Variants in TMEM214 observed in about 807,000 individuals in gnomAD.
TMEM214 encodes transmembrane protein 214.
A neutral mutation model predicts 89.8 loss-of-function variants in TMEM214; 71 were observed. The observed-to-expected ratio is 0.79, with a 90% CI of 0.65 to 0.96. The LOEUF is 0.96. Ranked by LOEUF, TMEM214 falls within the 40% of genes least tolerant of loss-of-function variation. The pLI is 0.00. For synonymous variants in TMEM214, 332 were observed against 349.5 expected (o/e 0.95, Z 0.56); for missense variants, 754 against 843.4 (o/e 0.89, Z 1.31).
At chr2:27,033,728 C>A (rs2148238238) in intron 1 of TMEM214, among the ~76,000 whole-genome samples, 1 of 152,236 alleles carries the variant, frequency 6.6e-6, no homozygotes, top group East Asian at 1.9e-4. Context: ...TAGGGTAGGA[C>A]CAAGATGGAA....
chr2:27,040,429 C>T lies in TMEM214; in HGVS notation c.1876C>T (p.Leu626=). The change falls in exon 16 of 17, where the codon CTG becomes TTG. Residue 626 remains leucine, a synonymous_variant. Transcript: ENST00000238788. Reference sequence around the variant, plus strand: ...CCTGCTTTTCCACCAGAATGTGCTGCTGCCACTGTGGCACCTCTTGCTTGA... The same window carrying T: ...CCTGCTTTTCCACCAGAATGTGCTGTTGCCACTGTGGCACCTCTTGCTTGA... ...LPLLFHQNVL[L]PLWHLLLEAL... is the part of the protein sequence containing the mutation. 2 of 1,614,238 alleles carry T rather than the reference C, an allele frequency of 1.2e-6. No homozygotes were observed. The highest frequency in any genetic ancestry group is 1.1e-5 in the South Asian group (1 of 91,090).
chr2:27,036,859 A>T, intron 7 of TMEM214, 73 bp downstream of exon 7: 3 of 1,484,474 alleles, frequency 2.0e-6, no homozygotes, highest in Non-Finnish European at 2.8e-6. Context: ...ATGGGAGGCT[A>T]TGATCTTGGT....
rs1667538672 is a variant in TMEM214 at position 27,035,867 on chromosome 2, G to A, written c.638-103G>A. 10 of 1,574,456 alleles carry A rather than the reference G, an allele frequency of 6.4e-6. No homozygotes were observed. The South Asian group carries it at 1.1e-4, about 18-fold the overall frequency. On this transcript the variant is annotated intron_variant, in intron 4 of 16. Coordinates refer to ENST00000238788, the MANE Select transcript of TMEM214 (RefSeq NM_017727.5). Reference sequence around the variant, plus strand: ...TTTTGGAAAGTGTGGAGGAAGTTAGGAGTCAGTGGACCTGGGGCCTGGGCT... The same window carrying A: ...TTTTGGAAAGTGTGGAGGAAGTTAGAAGTCAGTGGACCTGGGGCCTGGGCT...
At chr2:27,033,358 T>G (rs1667413618) in intron 1 of TMEM214, among the ~76,000 whole-genome samples, 192 bp downstream of exon 1, 1 of 152,150 alleles carries the variant, frequency 6.6e-6, no homozygotes, top group Admixed American at 6.5e-5. Context: ...ATGAGTAAAC[T>G]GAGGCCCAGT....
chr2:27,034,134 G>A lies in TMEM214; in HGVS notation c.219G>A (p.Lys73=). Residue 73 remains lysine (K), a synonymous_variant, in exon 2 of 17, where the codon AAG becomes AAA. Coordinates refer to ENST00000238788, the MANE Select transcript of TMEM214 (RefSeq NM_017727.5). ...GFENIMKRQN[K]EQVPPPAVEP... ...AGAATATCATGAAGCGGCAGAATAA[G>A]GAGCAGGTCCCACCCCCTGCTGTGG... is the stretch of plus-strand genomic sequence containing the variant. The A allele has an allele frequency of 1.2e-6, 2 of 1,614,146 alleles. No homozygotes were observed. Among genetic ancestry groups the A allele is most frequent in the Non-Finnish European group, 1.7e-6 (2 of 1,180,028 alleles).
Position 27,037,122 on chromosome 2 carries a change from G to C in TMEM214, c.954G>C (p.Lys318Asn), listed in dbSNP as rs774201621. 1.2e-6 allele frequency: 2 copies of C among 1,614,070 alleles called. No individual in the cohort carries two copies. The highest frequency in any genetic ancestry group is 8.5e-7 in the Non-Finnish European group (1 of 1,180,000). Residue 318 changes from lysine (K) to asparagine (N), a missense_variant, in exon 8 of 17, where the codon AAG (lysine) becomes AAC (asparagine). By Grantham distance (94) the Lys-to-Asn change is moderately conservative (BLOSUM62 0). Coordinates refer to ENST00000238788, the MANE Select transcript of TMEM214 (RefSeq NM_017727.5). ...AGGGCTTCGGCATGATTGGCCCCAA[G>C]GACTTCTTCCCACTTCTGGACTTTG... ...LTKGFGMIGPKDFFPLLDFAY... is the reference protein window; with the variant it reads ...LTKGFGMIGPNDFFPLLDFAY...
chr2:27,037,355 T>C (rs1667611812), intron 8 of TMEM214, among the ~76,000 whole-genome samples, 177 bp downstream of exon 8: 1 of 151,998 alleles, frequency 6.6e-6, no homozygotes, highest in African/African-American at 2.4e-5. Context: ...TTGAGTGTGA[T>C]TGGCATATGG....
chr2:27,041,389 G>A lies in TMEM214; in HGVS notation c.*552G>A, dbSNP rs1436122625. On this transcript the variant is annotated 3_prime_UTR_variant, in exon 17 of 17. Coordinates refer to ENST00000238788, the MANE Select transcript of TMEM214 (RefSeq NM_017727.5). ...TGGGTGTGGCTGTCAGTGGACATGG[G>A]GAGCTGGATGGAAATGCCTCTCACT... The A allele has an allele frequency of 6.5e-6, 1 of 154,418 alleles. No individual in the cohort carries two copies. The allele number at this position is 154,418 out of a possible 1,614,324, so 9.6% of individuals were successfully genotyped here. A position where few individuals can be genotyped will look rare whatever the true frequency, so the allele number is the denominator to read the frequency against.
At position 27,033,012 on chromosome 2, in the gene TMEM214, A is replaced by G; in HGVS notation, c.-4A>G. 1 of 1,246,366 alleles carries G rather than the reference A, an allele frequency of 8.0e-7. No homozygotes were observed. The highest frequency in any genetic ancestry group is 1.0e-6 in the Non-Finnish European group (1 of 987,744). The allele number at this position is 1,246,366 out of a possible 1,614,324, so 77.2% of individuals were successfully genotyped here. On this transcript the variant is annotated 5_prime_UTR_variant, in exon 1 of 17. Transcript: ENST00000238788. ...AAGTGGCCGAGGAGGGAGGGCTGCG[A>G]GCCATGGCGACCAAGACGGCGGGCG...
chr2:27,040,661 T>A (rs975245816), intron 16 of TMEM214, 50 bp from the exon 17 acceptor site: 10 of 1,604,552 alleles, frequency 6.2e-6, no homozygotes, highest in Non-Finnish European at 7.7e-6. Context: ...CCCCGAAAGT[T>A]GACACAGCTA....
intron 2 of TMEM214, among the ~76,000 whole-genome samples, chr2:27,034,931 G>A (rs935617380): frequency 3.3e-5 from 5 of 152,200 alleles, no homozygotes; most frequent in African/African-American, 1.2e-4. Flanking sequence ...GATAGGGCCT[G>A]AGATCAGCAT....
intron 16 of TMEM214, 51 bp from the exon 17 acceptor site, chr2:27,040,660 T>A: frequency 6.2e-7 from 1 of 1,604,240 alleles, no homozygotes; most frequent in Non-Finnish European, 8.5e-7. Context: ...TCCCCGAAAG[T>A]TGACACAGCT....
chr2:27,038,851 T>C lies in TMEM214; in HGVS notation c.1407+36T>C, dbSNP rs1572793631. 6.3e-7 allele frequency: 1 copy of C among 1,576,654 alleles called. No homozygotes were observed. The highest frequency in any genetic ancestry group is 2.2e-5 in the East Asian group (1 of 44,634). ...CCGGTCCTCTCCAGCCCACACGCTATCTTACATCTCTGTCTCAGCACACCT... is the reference window on the plus strand; with the variant it reads ...CCGGTCCTCTCCAGCCCACACGCTACCTTACATCTCTGTCTCAGCACACCT... On this transcript the variant is annotated intron_variant, in intron 12 of 16. Transcript: ENST00000238788. This position sits in a 1 kb window ranked among gnomAD's most constrained non-coding sequence, Gnocchi z 4.4.
intron 9 of TMEM214, 68 bp downstream of exon 9, chr2:27,037,770 C>G: frequency 1.2e-6 from 2 of 1,613,810 alleles, no homozygotes; most frequent in Non-Finnish European, 1.7e-6. Context: ...TATCTGCTGA[C>G]AAAGGCCTTG....
chr2:27,038,282 A>G lies in TMEM214; in HGVS notation c.1244+45A>G. 6.2e-7 allele frequency: 1 copy of G among 1,601,466 alleles called. No individual in the cohort carries two copies. Among genetic ancestry groups the G allele is most frequent in the Non-Finnish European group, 8.6e-7 (1 of 1,169,510 alleles). On this transcript the variant is annotated intron_variant, in intron 10 of 16. Coordinates refer to ENST00000238788, the MANE Select transcript of TMEM214 (RefSeq NM_017727.5). This position sits in a 1 kb window ranked among gnomAD's most constrained non-coding sequence, Gnocchi z 4.4. Reference sequence around the variant, plus strand: ...AGCCTGTCCCTGTGCTAGAAGCAGAAGGGGAGCCTGGGTCACTGTCCCATG... The same window carrying G: ...AGCCTGTCCCTGTGCTAGAAGCAGAGGGGGAGCCTGGGTCACTGTCCCATG...
chr2:27,038,908 C>A lies in TMEM214; in HGVS notation c.1407+93C>A. On this transcript the variant is annotated intron_variant, in intron 12 of 16. Transcript: ENST00000238788. The surrounding 1 kb of genome is among the most constrained non-coding windows in gnomAD (Gnocchi z 4.4). ...GGCCTGTATCACATTCCTGCCCCAC[C>A]TGTCTGGAGCCCCCCGCTGCCTCCA... The A allele has an allele frequency of 7.1e-7, 1 of 1,412,718 alleles. No homozygotes were observed. The highest frequency in any genetic ancestry group is 1.0e-6 in the Non-Finnish European group (1 of 1,004,382). The allele number at this position is 1,412,718 out of a possible 1,614,324, so 87.5% of individuals were successfully genotyped here.
In TMEM214 at chr2:27,038,163, T is replaced by C; in HGVS notation, c.1170T>C (p.Thr390=). 1 of 1,614,140 alleles carries C rather than the reference T, an allele frequency of 6.2e-7. No individual in the cohort carries two copies. Among genetic ancestry groups the C allele is most frequent in the Non-Finnish European group, 8.5e-7 (1 of 1,180,018 alleles). ...CTGTGCAGCTCCTGAGCAGCCTGAC[T>C]GAGTGCCTGACGGTGGACCCCCTCA... ...EMKKELLSSL[T]ECLTVDPLSA... is the part of the protein sequence containing the mutation. The change falls in exon 10 of 17, where the codon ACT becomes ACC. Residue 390 remains threonine (T), a synonymous_variant. Coordinates refer to ENST00000238788, the MANE Select transcript of TMEM214 (RefSeq NM_017727.5). This position sits in a 1 kb window ranked among gnomAD's most constrained non-coding sequence, Gnocchi z 4.4.
At position 27,037,619 on chromosome 2, in the gene TMEM214, A is replaced by G; in HGVS notation, c.1069A>G (p.Lys357Glu). The change falls in exon 9 of 17, where the codon AAG (lysine) becomes GAG (glutamate). Residue 357 changes from lysine to glutamate, a missense_variant. Coordinates refer to ENST00000238788, the MANE Select transcript of TMEM214 (RefSeq NM_017727.5). Reference protein sequence around the residue: ...PRLKVLAFGAKPDSTLHTYFP... With the variant: ...PRLKVLAFGAEPDSTLHTYFP... Reference sequence around the variant, plus strand: ...ACTGAAAGTGCTGGCATTTGGAGCAAAGCCGGATTCCACCCTGCATACCTA... The same window carrying G: ...ACTGAAAGTGCTGGCATTTGGAGCAGAGCCGGATTCCACCCTGCATACCTA... 1 of 1,614,138 alleles carries G rather than the reference A, an allele frequency of 6.2e-7. No homozygotes were observed. The highest frequency in any genetic ancestry group is 8.5e-7 in the Non-Finnish European group (1 of 1,180,010).
intron 2 of TMEM214, 38 bp downstream of exon 2, chr2:27,034,304 G>T: frequency 6.2e-7 from 1 of 1,604,618 alleles, no homozygotes; most frequent in Non-Finnish European, 8.5e-7. Flanking sequence ...AAAGAATGGG[G>T]GCTTGAGATT....
Sources: allele counts gnomAD v4.1 joint callset (sites outside exome capture counted in the v4.1 genomes callset), GRCh38; gene constraint gnomAD v4.1.1; non-coding constraint Gnocchi (gnomAD v3.1); transcripts MANE v1.5; gene names NCBI Gene and HGNC (gene_info 2026-07-23, HGNC 2026-07-21).